Variants in RWDD3 observed in about 807,000 individuals in gnomAD.
RWDD3 encodes RWD domain containing 3.
In RWDD3, 30 loss-of-function variants were observed where a neutral mutation model predicts 26.5. The observed-to-expected ratio is 1.13, with a 90% CI of 0.85 to 1.54. The LOEUF (loss-of-function observed/expected upper bound fraction) is 1.54, where lower values mean the gene tolerates loss of function less well. RWDD3 is among the 40% of genes most tolerant of loss of function. The probability of loss-of-function intolerance (pLI) is 0.00; values close to 1 mark genes in which losing one functional copy is unlikely to be tolerated. For missense variants in RWDD3, 296 were observed against 309.1 expected, an observed-to-expected ratio of 0.96 and a Z score of 0.32; for synonymous variants, 113 against 114.5, an observed-to-expected ratio of 0.99 and a Z score of 0.09.
chr1:95,234,557 C>T (rs1049604068), intron 1 of RWDD3, among the ~76,000 whole-genome samples: 10 of 152,178 alleles, frequency 6.6e-5, no homozygotes, highest in African/African-American at 2.4e-4. Flanking sequence ...CCGCCGGTCC[C>T]GCTCCCGGAG....
chr1:95,238,979 A>C (rs1469985861), intron 1 of RWDD3, among the ~76,000 whole-genome samples: 1 of 152,216 alleles, frequency 6.6e-6, no homozygotes, highest in Admixed American at 6.5e-5. Context: ...ACTTACTATA[A>C]GACAGAATGA....
At chr1:95,234,457 G>T (rs1056033180) in intron 1 of RWDD3, 142 bp downstream of exon 1, 3 of 755,972 alleles carry the variant, frequency 4.0e-6, no homozygotes, top group Admixed American at 2.4e-5. Context: ...GGAATGACAC[G>T]CCCGGAGGCC....
intron 1 of RWDD3, among the ~76,000 whole-genome samples, chr1:95,238,630 A>T (rs1449002925): frequency 6.8e-6 from 1 of 147,852 alleles, no homozygotes; most frequent in African/African-American, 2.5e-5. Context: ...GAAAAAAAAC[A>T]CAAGTGTAGG....
rs770131380 is a variant in RWDD3, at chr1:95,246,780, G to A, written c.714G>A (p.Glu238=). 2.6e-6 allele frequency: 4 copies of A among 1,565,198 alleles called. No individual in the cohort carries two copies. The highest frequency in any genetic ancestry group is 3.4e-6 in the Non-Finnish European group (4 of 1,159,556). ...GGTTTCTGGCATTTGAAGTCAAAGA[G>A]TATTCAGCGTTGGATGAATTACAAA... ...HKRFLAFEVK[E]YSALDELQKE... The change falls in exon 4 of 4, where the codon GAG becomes GAA. Residue 238 remains glutamate, a synonymous_variant. Transcript: ENST00000370202.
At chr1:95,235,847 T>G (rs1048107605) in intron 1 of RWDD3, among the ~76,000 whole-genome samples, 1 of 149,812 alleles carries the variant, frequency 6.7e-6, no homozygotes, top group African/African-American at 2.4e-5. Flanking sequence ...TTACTGTCCC[T>G]GTATGTGGCT....
chr1:95,235,110 G>C (rs1342855610), intron 1 of RWDD3, among the ~76,000 whole-genome samples: 2 of 150,250 alleles, frequency 1.3e-5, no homozygotes, highest in South Asian at 2.1e-4. Context: ...GCAGTGGCGC[G>C]ATCTCGGGTC....
intron 1 of RWDD3, among the ~76,000 whole-genome samples, chr1:95,238,416 GTT>G (rs200439924): frequency 6.9e-6 from 1 of 145,656 alleles, no homozygotes; most frequent in Non-Finnish European, 1.5e-5. Context: ...TTTATTTTTA[GTT>G]TTTTTTTTTT....
Position 95,244,414 on chromosome 1 carries a change from G to T in RWDD3, c.289G>T (p.Glu97Ter). The T allele has an allele frequency of 6.2e-7, 1 of 1,614,184 alleles. No homozygotes were observed. The highest frequency in any genetic ancestry group is 1.3e-5 in the African/African-American group (1 of 75,050). ...LLEQAESLLS[E>*]PMVHELVLWI... is the part of the protein sequence containing the mutation. Reference sequence around the variant, plus strand: ...TGAGCAAGCAGAGAGCCTTTTGTCGGAGCCTATGGTTCATGAGCTGGTTCT... The same window carrying T: ...TGAGCAAGCAGAGAGCCTTTTGTCGTAGCCTATGGTTCATGAGCTGGTTCT... Residue 97 changes from glutamate to a stop codon, truncating the protein, a stop_gained, in exon 2 of 4, where the codon GAG becomes TAG. Coordinates refer to ENST00000370202, the MANE Select transcript of RWDD3 (RefSeq NM_015485.5). LOFTEE classifies it high-confidence loss of function.
At chr1:95,246,511 T>C (rs1264702286) in intron 2 of RWDD3, 31 bp from the exon 3 acceptor site, 1 of 1,268,720 alleles carries the variant, frequency 7.9e-7, no homozygotes, top group South Asian at 1.2e-5. Context: ...CAGAGTAAGA[T>C]ATGTATTTAA....
Position 95,244,210 on chromosome 1 carries a change from G to A in RWDD3, c.86-1G>A, listed in dbSNP as rs757655365. ...AATGATTATTTTTGGATGCCTTCCA[G>A]AGACAGATGGGACCGTGTTCAGAAT... On this transcript the variant is annotated splice_acceptor_variant, in intron 1 of 3. Coordinates refer to ENST00000370202, the MANE Select transcript of RWDD3 (RefSeq NM_015485.5). LOFTEE classifies it high-confidence loss of function. 1 of 1,612,054 alleles carries A rather than the reference G, an allele frequency of 6.2e-7. No individual in the cohort carries two copies. The highest frequency in any genetic ancestry group is 1.1e-5 in the South Asian group (1 of 91,028).
At position 95,246,875 on chromosome 1, in the gene RWDD3, G is replaced by T. The variant is rs769132189; in HGVS notation, c.*5G>T. ...GTACTTGCTCTGGTAAAATGAAATGGAAGACAGGAATCTTTTAGTAAAATA... is the reference window on the plus strand; with the variant it reads ...GTACTTGCTCTGGTAAAATGAAATGTAAGACAGGAATCTTTTAGTAAAATA... On this transcript the variant is annotated 3_prime_UTR_variant, in exon 4 of 4. Transcript: ENST00000370202. 6.8e-7 allele frequency: 1 copy of T among 1,463,194 alleles called. No individual in the cohort carries two copies. The highest frequency in any genetic ancestry group is 1.3e-5 in the South Asian group (1 of 74,410). The allele number at this position is 1,463,194 out of a possible 1,614,324, so 90.6% of individuals were successfully genotyped here. A position where few individuals can be genotyped will look rare whatever the true frequency, so the allele number is the denominator to read the frequency against.
At chr1:95,235,185 T>TAC (rs1030963067) in intron 1 of RWDD3, among the ~76,000 whole-genome samples, 1 of 149,478 alleles carries the variant, frequency 6.7e-6, no homozygotes, top group African/African-American at 2.5e-5. Flanking sequence ...TAGCTGGGAC[T>TAC]ACAGGCGCCC....
intron 2 of RWDD3, chr1:95,244,978 G>C (rs1311588548): frequency 3.0e-6 from 1 of 335,846 alleles, no homozygotes; most frequent in Non-Finnish European, 5.4e-6. Context: ...ATGAGTGTTT[G>C]TTTCTGTAAT....
At chr1:95,237,988 A>G (rs1202108597) in intron 1 of RWDD3, among the ~76,000 whole-genome samples, 1 of 152,236 alleles carries the variant, frequency 6.6e-6, no homozygotes, top group East Asian at 1.9e-4. Flanking sequence ...GTGTGAGCCA[A>G]CTTATGTTCA....
intron 1 of RWDD3, among the ~76,000 whole-genome samples, chr1:95,242,785 G>A (rs1680685937): frequency 6.6e-6 from 1 of 152,048 alleles, no homozygotes; most frequent in African/African-American, 2.4e-5. Context: ...TGGGCATGGT[G>A]GCATATGACT....
Position 95,246,769 on chromosome 1 carries a change from G to T in RWDD3, c.703G>T (p.Glu235Ter). The change falls in exon 4 of 4, where the codon GAA (glutamate) becomes TAA (stop). Residue 235 changes from glutamate (E) to a stop codon, truncating the protein, a stop_gained. Transcript: ENST00000370202. LOFTEE classifies it high-confidence loss of function. ...QTEHKRFLAFEVKEYSALDEL... is the reference protein window; with the variant it reads ...QTEHKRFLAF ...TGTATAATGCAGGTTTCTGGCATTT[G>T]AAGTCAAAGAGTATTCAGCGTTGGA... The T allele has an allele frequency of 6.4e-7, 1 of 1,559,710 alleles. No homozygotes were observed. Among genetic ancestry groups the T allele is most frequent in the South Asian group, 1.2e-5 (1 of 82,428 alleles).
At chr1:95,246,480 T>C in intron 2 of RWDD3, 62 bp from the exon 3 acceptor site, 1 of 969,778 alleles carries the variant, frequency 1.0e-6, no homozygotes, top group Non-Finnish European at 1.6e-6. Flanking sequence ...ATAGCTCCTT[T>C]AAAACTGGGA....
intron 1 of RWDD3, among the ~76,000 whole-genome samples, chr1:95,241,820 T>C (rs1357225737): frequency 6.6e-6 from 1 of 152,152 alleles, no homozygotes; most frequent in Non-Finnish European, 1.5e-5. Context: ...ACAAGGGTCA[T>C]GAGTAAACAC....
intron 3 of RWDD3, 27 bp downstream of exon 3, chr1:95,246,684 A>G: frequency 6.4e-7 from 1 of 1,554,164 alleles, no homozygotes; most frequent in East Asian, 2.3e-5. Flanking sequence ...TTGCAGATGG[A>G]AAAGCAACTG....
Sources: allele counts gnomAD v4.1 joint callset (sites outside exome capture counted in the v4.1 genomes callset), GRCh38; gene constraint gnomAD v4.1.1; transcripts MANE v1.5; gene names NCBI Gene and HGNC (gene_info 2026-07-23, HGNC 2026-07-21).